Variants in ZPBP observed in about 807,000 individuals in gnomAD.
ZPBP encodes zona pellucida binding protein.
In ZPBP, 26 loss-of-function variants were observed where a neutral mutation model predicts 44.8. The observed-to-expected ratio is 0.58, with a 90% CI of 0.43 to 0.81. The LOEUF (loss-of-function observed/expected upper bound fraction) is 0.81, where lower values mean the gene tolerates loss of function less well. Ranked by LOEUF, ZPBP falls within the 30% of genes least tolerant of loss-of-function variation. ZPBP has a pLI of 0.00. For missense variants in ZPBP, 409 were observed against 434.0 expected (o/e 0.94, Z 0.51); for synonymous variants, 174 against 153.2 (o/e 1.14, Z -1.00).
At position 50,057,086 on chromosome 7, in the gene ZPBP, G is replaced by A. The variant is rs557495766; in HGVS notation, c.487+903C>T. On this transcript the variant is annotated intron_variant, in intron 4 of 7. Transcript: ENST00000046087. Reference sequence around the variant, plus strand: ...TGTAGTCCCAGCTAGTCGGGAAGCTGAGGCAGGAGAATTGCTTGAACCCAG... The same window carrying A: ...TGTAGTCCCAGCTAGTCGGGAAGCTAAGGCAGGAGAATTGCTTGAACCCAG... 6.6e-5 allele frequency among the ~76,000 whole-genome samples: 10 copies of A among 151,932 alleles called. No homozygotes were observed. The South Asian group carries it at 2.1e-3, about 32-fold the overall frequency.
intron 1 of ZPBP, chr7:49,912,128 C>T (rs1409407887): frequency 6.2e-7 from 1 of 1,614,070 alleles, no homozygotes; most frequent in Non-Finnish European, 8.5e-7. Flanking sequence ...ATGAGGAAGG[C>T]ACATGGAGAA....
intron 5 of ZPBP, among the ~76,000 whole-genome samples, chr7:50,024,300 T>C (rs928400204): frequency 4.6e-5 from 7 of 152,036 alleles, no homozygotes; most frequent in African/African-American, 1.4e-4. Flanking sequence ...GCAATCCCTC[T>C]TCTGGGTACA....
At chr7:50,053,340 T>C (rs1800781143) in intron 4 of ZPBP, among the ~76,000 whole-genome samples, 1 of 152,202 alleles carries the variant, frequency 6.6e-6, no homozygotes, top group South Asian at 2.1e-4. Flanking sequence ...TACTGGACCT[T>C]AAATTATTGA....
chr7:49,993,368 A>T (rs989273157), intron 6 of ZPBP, among the ~76,000 whole-genome samples: 12 of 152,188 alleles, frequency 7.9e-5, no homozygotes, highest in Admixed American at 3.9e-4. Flanking sequence ...TACAAAGAAC[A>T]GATAGGAAAA....
At chr7:49,954,372 C>T (rs1540606) in intron 7 of ZPBP, among the ~76,000 whole-genome samples, 118,276 of 152,118 alleles carry the variant, frequency 0.78, 46,154 homozygotes, top group East Asian at 0.89. Context: ...TAAATCTTCA[C>T]GCTTTCATAC....
chr7:50,074,112 A>G (rs371103215), intron 3 of ZPBP, among the ~76,000 whole-genome samples: 15 of 152,234 alleles, frequency 9.9e-5, no homozygotes, highest in African/African-American at 3.6e-4. Context: ...ATATAAATAG[A>G]AAAAACAGAA....
intron 4 of ZPBP, among the ~76,000 whole-genome samples, chr7:50,037,849 C>G (rs1488422464): frequency 6.6e-6 from 1 of 152,142 alleles, no homozygotes; most frequent in Non-Finnish European, 1.5e-5. Flanking sequence ...TTTCCCCACC[C>G]AGCTTTCAGT....
chr7:49,951,412 T>G (rs575205080), intron 7 of ZPBP, among the ~76,000 whole-genome samples: 2 of 151,348 alleles, frequency 1.3e-5, no homozygotes, highest in South Asian at 4.2e-4. Flanking sequence ...CGTAGACATT[T>G]CTCCAAAAAA....
chr7:50,003,722 C>T (rs1316472762), intron 6 of ZPBP, among the ~76,000 whole-genome samples: 4 of 152,084 alleles, frequency 2.6e-5, no homozygotes, highest in Non-Finnish European at 5.9e-5. Flanking sequence ...TGGGGAAGTA[C>T]TTCTCCTGCA....
At chr7:50,003,719 G>GT (rs1333775231) in intron 6 of ZPBP, among the ~76,000 whole-genome samples, 1 of 152,126 alleles carries the variant, frequency 6.6e-6, no homozygotes, top group Admixed American at 6.6e-5. Flanking sequence ...AATTGGGGAA[G>GT]TACTTCTCCT....
At chr7:50,057,358 A>G (rs1801000133) in intron 4 of ZPBP, among the ~76,000 whole-genome samples, 1 of 152,170 alleles carries the variant, frequency 6.6e-6, no homozygotes, top group African/African-American at 2.4e-5. Flanking sequence ...GAGACACAGA[A>G]GCAGTCCAAG....
intron 6 of ZPBP, among the ~76,000 whole-genome samples, chr7:50,006,855 G>A (rs1584029464): frequency 6.6e-6 from 1 of 151,986 alleles, no homozygotes; most frequent in East Asian, 1.9e-4. Context: ...AACTGAAAGT[G>A]AAGAAGTACA....
chr7:49,943,171 T>G, intron 7 of ZPBP: 2 of 312,048 alleles, frequency 6.4e-6, no homozygotes, highest in Non-Finnish European at 1.3e-5. Context: ...AAAGTTAGCT[T>G]CTCAATAAAG....
intron 1 of ZPBP, among the ~76,000 whole-genome samples, chr7:49,902,681 C>T (rs569542189): frequency 6.6e-6 from 1 of 151,632 alleles, no homozygotes; most frequent in South Asian, 2.1e-4. Context: ...AAGAAAAAAA[C>T]TTTAGGACGT....
chr7:49,874,548 ATGTGTG>A (rs3062201), intron 2 of ZPBP, among the ~76,000 whole-genome samples: 4 of 147,638 alleles, frequency 2.7e-5, no homozygotes, highest in East Asian at 3.9e-4. Flanking sequence ...ATGACTATAT[ATGTGTG>A]TGTGTGTGTG....
At chr7:50,030,215 C>T (rs1365624226) in intron 5 of ZPBP, among the ~76,000 whole-genome samples, 1 of 151,094 alleles carries the variant, frequency 6.6e-6, no homozygotes, top group African/African-American at 2.4e-5. Flanking sequence ...CAATGTATTT[C>T]TGGTGAAGAG....
intron 6 of ZPBP, among the ~76,000 whole-genome samples, chr7:49,983,754 C>A (rs1797131622): frequency 6.6e-6 from 1 of 151,906 alleles, no homozygotes. Context: ...TTGAAGATTT[C>A]TTTTTGGTCC....
At chr7:50,088,492 A>G (rs1802784885) in intron 2 of ZPBP, among the ~76,000 whole-genome samples, 1 of 152,050 alleles carries the variant, frequency 6.6e-6, no homozygotes, top group Non-Finnish European at 1.5e-5. Context: ...AACACAATCC[A>G]CTGAATGGGA....
intron 2 of ZPBP, among the ~76,000 whole-genome samples, chr7:49,879,961 T>C (rs1027336924): frequency 6.6e-6 from 1 of 152,142 alleles, no homozygotes; most frequent in Non-Finnish European, 1.5e-5. Flanking sequence ...GCAATTTCAT[T>C]CTTCTCTCTG....
Sources: allele counts gnomAD v4.1 joint callset (sites outside exome capture counted in the v4.1 genomes callset), GRCh38; gene constraint gnomAD v4.1.1; transcripts MANE v1.5; gene names NCBI Gene and HGNC (gene_info 2026-07-23, HGNC 2026-07-21).